Variants in MEIS2 observed in about 807,000 individuals in gnomAD.
The protein encoded by MEIS2 is homeobox protein Meis2.
MEIS2 carries 9 observed loss-of-function variants against 58.6 expected under a neutral mutation model. That is an observed-to-expected ratio of 0.15 (90% confidence interval 0.09 to 0.27). The LOEUF is 0.27. Among genes scored for constraint, MEIS2 ranks in the 10% least tolerant of loss-of-function variants. The pLI is 1.00. For synonymous variants in MEIS2, 221 were observed against 228.4 expected, an observed-to-expected ratio of 0.97 and a Z score of 0.29; for missense variants, 427 against 635.0, an observed-to-expected ratio of 0.67 and a Z score of 3.52.
chr15:37,003,084 G>C (rs1190740094), intron 8 of MEIS2, among the ~76,000 whole-genome samples: 1 of 152,026 alleles, frequency 6.6e-6, no homozygotes, highest in Non-Finnish European at 1.5e-5. Context: ...CATTTAGTTT[G>C]GCACCCACAG....
At chr15:36,916,009 T>C (rs1275313963) in intron 9 of MEIS2, among the ~76,000 whole-genome samples, 1 of 152,202 alleles carries the variant, frequency 6.6e-6, no homozygotes, top group Non-Finnish European at 1.5e-5. Flanking sequence ...GTGAAACATG[T>C]AGTGAAAACT....
chr15:37,010,775 G>C (rs1281665949), intron 8 of MEIS2, among the ~76,000 whole-genome samples: 1 of 152,150 alleles, frequency 6.6e-6, no homozygotes, highest in Non-Finnish European at 1.5e-5. Context: ...GGGGGTTGAG[G>C]GTGGATTTAT....
chr15:36,899,566 A>G (rs1392148992), intron 9 of MEIS2, among the ~76,000 whole-genome samples: 1 of 152,178 alleles, frequency 6.6e-6, no homozygotes, highest in Non-Finnish European at 1.5e-5. Context: ...CTTCTAATCT[A>G]TATTTTTTAG....
At chr15:37,096,035 A>G (rs1480702908) in intron 3 of MEIS2, 3 of 474,388 alleles carry the variant, frequency 6.3e-6, no homozygotes, top group Admixed American at 3.7e-5. Flanking sequence ...GCCAAGCCCC[A>G]GATTAGGAGC....
chr15:36,932,003 A>C (rs1281003792), intron 9 of MEIS2, among the ~76,000 whole-genome samples: 1 of 152,230 alleles, frequency 6.6e-6, no homozygotes, highest in African/African-American at 2.4e-5. Context: ...TATTAGCATG[A>C]AGCTCACCAA....
intron 9 of MEIS2, among the ~76,000 whole-genome samples, chr15:36,948,848 T>C (rs529590266): frequency 2.0e-5 from 3 of 152,138 alleles, no homozygotes; most frequent in African/African-American, 7.2e-5. Flanking sequence ...GAGGGGGATG[T>C]ACTGCCTTTA....
intron 7 of MEIS2, among the ~76,000 whole-genome samples, chr15:37,054,729 G>GT (rs1340135082): frequency 1.3e-5 from 2 of 152,188 alleles, no homozygotes; most frequent in Admixed American, 6.5e-5. Context: ...AACTTTGTGT[G>GT]TTTTTAAAGA....
At chr15:36,914,661 G>A (rs1419721966) in intron 9 of MEIS2, among the ~76,000 whole-genome samples, 2 of 152,190 alleles carry the variant, frequency 1.3e-5, no homozygotes, top group African/African-American at 4.8e-5. Flanking sequence ...CCCTGGGAGG[G>A]CTCTGGCTGA....
chr15:36,921,309 G>A (rs968448091), intron 9 of MEIS2, among the ~76,000 whole-genome samples: 1 of 152,172 alleles, frequency 6.6e-6, no homozygotes, highest in East Asian at 1.9e-4. Flanking sequence ...AAGAAAATGC[G>A]AAATGATCAG....
chr15:36,916,454 C>T (rs2057285715), intron 9 of MEIS2, among the ~76,000 whole-genome samples: 2 of 148,210 alleles, frequency 1.3e-5, no homozygotes, highest in Admixed American at 6.7e-5. Context: ...AAAAAAGAGA[C>T]AGGGTCTCAC....
intron 8 of MEIS2, among the ~76,000 whole-genome samples, chr15:36,951,429 A>C (rs2058745792): frequency 6.6e-6 from 1 of 152,172 alleles, no homozygotes; most frequent in Admixed American, 6.5e-5. Context: ...CAACATTATT[A>C]GAGGGTGACA....
At chr15:36,925,794 T>C (rs975854688) in intron 9 of MEIS2, among the ~76,000 whole-genome samples, 3 of 152,218 alleles carry the variant, frequency 2.0e-5, no homozygotes, top group Non-Finnish European at 2.9e-5. Context: ...TGCTGTGAGC[T>C]TGGGTCACAA....
chr15:36,914,490 G>A (rs1283452739), intron 9 of MEIS2, among the ~76,000 whole-genome samples: 2 of 152,254 alleles, frequency 1.3e-5, no homozygotes, highest in African/African-American at 4.8e-5. Context: ...AGGTTCTGAA[G>A]GGAGGTCTCA....
At position 37,063,379 on chromosome 15, in the gene MEIS2, G is replaced by A. The variant is rs539493057; in HGVS notation, c.754+20392C>T. The stretch of plus-strand genomic sequence containing the variant: ...CAACTTTTCTTGCAGACAGGGTGTG[G>A]TACCCTGGTTAAGTGTCTGGATTTA... On this transcript the variant is annotated intron_variant, in intron 7 of 11. Transcript: ENST00000561208. 1.7e-4 allele frequency among the ~76,000 whole-genome samples: 26 copies of A among 152,208 alleles called. No individual in the cohort carries two copies. In the South Asian group the frequency reaches 3.9e-3, roughly 23 times the overall value.
intron 9 of MEIS2, among the ~76,000 whole-genome samples, chr15:36,919,489 A>G (rs2057408691): frequency 6.6e-6 from 1 of 151,932 alleles, no homozygotes; most frequent in Admixed American, 6.6e-5. Context: ...GAGGCAGGAG[A>G]ATCTGTTGAA....
At chr15:36,906,274 A>T (rs1403494240) in intron 9 of MEIS2, among the ~76,000 whole-genome samples, 1 of 152,290 alleles carries the variant, frequency 6.6e-6, no homozygotes, top group Admixed American at 6.5e-5. Flanking sequence ...TCCAAGAGCT[A>T]TGTATAGGAT....
chr15:36,919,873 C>T (rs1441699536), intron 9 of MEIS2, among the ~76,000 whole-genome samples: 1 of 152,182 alleles, frequency 6.6e-6, no homozygotes, highest in Non-Finnish European at 1.5e-5. Context: ...TTTTCTCCTT[C>T]CACTGACATG....
At chr15:37,069,108 G>A (rs1226171942) in intron 7 of MEIS2, among the ~76,000 whole-genome samples, 3 of 151,880 alleles carry the variant, frequency 2.0e-5, no homozygotes, top group Non-Finnish European at 4.4e-5. Context: ...ATTTTATACT[G>A]GCAGAAAATG....
At chr15:37,046,598 C>T (rs1249736470) in intron 7 of MEIS2, among the ~76,000 whole-genome samples, 1 of 152,090 alleles carries the variant, frequency 6.6e-6, no homozygotes, top group African/African-American at 2.4e-5. Context: ...ATGTGAGTGT[C>T]GTAGTATAGT....
Sources: gnomAD v4.1 joint callset for allele counts (sites outside exome capture counted in the v4.1 genomes callset) on GRCh38, gnomAD v4.1.1 for gene constraint, MANE v1.5 for transcripts, NCBI Gene and HGNC (gene_info 2026-07-23, HGNC 2026-07-21) for gene names.